ARHGAP26: variants seen among roughly 807,000 people sequenced by gnomAD.
The protein encoded by ARHGAP26 is Rho GTPase activating protein 26.
Under a neutral mutation model 104.8 loss-of-function variants are expected in ARHGAP26, and 38 were observed. The observed-to-expected ratio is 0.36, with a 90% confidence interval of 0.28 to 0.48. The LOEUF is 0.48. Ranked by LOEUF, ARHGAP26 falls within the 20% of genes least tolerant of loss-of-function variation. The probability of loss-of-function intolerance (pLI) is 0.99; values close to 1 mark genes in which losing one functional copy is unlikely to be tolerated. For missense variants in ARHGAP26, 704 were observed against 947.9 expected, an observed-to-expected ratio of 0.74 and a Z score of 3.38; for synonymous variants, 341 against 340.0, an observed-to-expected ratio of 1.00 and a Z score of -0.03.
chr5:142,866,304 G>A (rs1754272231), intron 1 of ARHGAP26, among the ~76,000 whole-genome samples: 1 of 152,130 alleles, frequency 6.6e-6, no homozygotes, highest in Non-Finnish European at 1.5e-5. Flanking sequence ...TAGTAGTTAA[G>A]AGTTTTGGAG....
chr5:143,190,461 T>C (rs980523393), intron 20 of ARHGAP26, among the ~76,000 whole-genome samples: 8 of 152,132 alleles, frequency 5.3e-5, no homozygotes, highest in Admixed American at 2.6e-4. Flanking sequence ...TAGATATACA[T>C]TGAATTTTCG....
chr5:143,143,964 C>T (rs1798868612), intron 19 of ARHGAP26, among the ~76,000 whole-genome samples: 1 of 152,182 alleles, frequency 6.6e-6, no homozygotes, highest in Non-Finnish European at 1.5e-5. Context: ...GTGATTGATA[C>T]AAAGACAGAT....
chr5:143,016,537 T>C (rs1273392936), intron 12 of ARHGAP26, among the ~76,000 whole-genome samples: 1 of 152,120 alleles, frequency 6.6e-6, no homozygotes, highest in Non-Finnish European at 1.5e-5. Context: ...ACCCTGTCTC[T>C]GCTAAAAATA....
chr5:143,076,692 G>A (rs1409380120), intron 17 of ARHGAP26, among the ~76,000 whole-genome samples: 1 of 152,098 alleles, frequency 6.6e-6, no homozygotes, highest in Non-Finnish European at 1.5e-5. Context: ...ATTATTTTGT[G>A]TGTCCAAATA....
At chr5:142,865,816 G>A (rs1754175360) in intron 1 of ARHGAP26, among the ~76,000 whole-genome samples, 1 of 152,088 alleles carries the variant, frequency 6.6e-6, no homozygotes, top group South Asian at 2.1e-4. Flanking sequence ...GTCCTTCCAT[G>A]GTTTGATTCT....
At chr5:142,855,808 T>C (rs533989505) in intron 1 of ARHGAP26, among the ~76,000 whole-genome samples, 37 of 152,344 alleles carry the variant, frequency 2.4e-4, no homozygotes, top group African/African-American at 8.7e-4. Flanking sequence ...GACTGACTTA[T>C]ATACTCTCAC....
In ARHGAP26 at chr5:143,214,007, C is replaced by T. The variant is rs748049685; in HGVS notation, c.2110C>T (p.Arg704Trp). ...CCTGTTTTCACACAGCACACCGTTC[C>T]GGAAGGCAAAAGCCTTGTATGCCTG... The part of the protein sequence containing the change: ...SDSSPVSTPF[R>W]KAKALYACKA... Residue 704 changes from arginine to tryptophan, a missense_variant, in exon 22 of 23, where the codon CGG becomes TGG. Around this residue, in one of 6 missense-constraint regions of ARHGAP26, gnomAD observed 217 missense variants for 242.6 expected, o/e 0.89. Transcript: ENST00000645722. 16 of 1,589,406 alleles carry T rather than the reference C, an allele frequency of 1.0e-5. No individual in the cohort carries two copies. Among genetic ancestry groups the T allele is most frequent in the Admixed American group, 1.7e-5 (1 of 58,902 alleles).
intron 18 of ARHGAP26, among the ~76,000 whole-genome samples, chr5:143,124,713 C>T (rs1796526213): frequency 6.6e-6 from 1 of 152,168 alleles, no homozygotes; most frequent in Non-Finnish European, 1.5e-5. Context: ...TTCTGTTGGC[C>T]AAAGCAAGTC....
chr5:142,773,032 C>T (rs557852939), intron 1 of ARHGAP26, among the ~76,000 whole-genome samples: 1 of 151,946 alleles, frequency 6.6e-6, no homozygotes, highest in African/African-American at 2.4e-5. Context: ...TCTCTACGTC[C>T]AGCTCTGCTA....
intron 1 of ARHGAP26, among the ~76,000 whole-genome samples, chr5:142,842,286 G>A (rs1263352352): frequency 1.3e-5 from 2 of 152,218 alleles, no homozygotes; most frequent in East Asian, 3.9e-4. Context: ...GTGTTCTGAA[G>A]CGGCATGTTT....
intron 4 of ARHGAP26, among the ~76,000 whole-genome samples, chr5:142,881,517 C>G (rs919552537): frequency 2.6e-5 from 4 of 152,122 alleles, no homozygotes; most frequent in African/African-American, 9.7e-5. Flanking sequence ...ATATTCTATT[C>G]TCCTATTCAT....
At chr5:142,920,754 A>G (rs1381659329) in intron 10 of ARHGAP26, among the ~76,000 whole-genome samples, 5 of 152,200 alleles carry the variant, frequency 3.3e-5, no homozygotes, top group Non-Finnish European at 7.3e-5. Context: ...ACTTATCTTC[A>G]TGGAGCTTAC....
At chr5:143,221,786 G>A (rs933626899) in intron 22 of ARHGAP26, among the ~76,000 whole-genome samples, 2 of 152,126 alleles carry the variant, frequency 1.3e-5, no homozygotes, top group Non-Finnish European at 2.9e-5. Flanking sequence ...GCCTCCCAAG[G>A]TACTGGCATT....
At chr5:143,116,513 C>T (rs918271268) in intron 17 of ARHGAP26, among the ~76,000 whole-genome samples, 2 of 152,208 alleles carry the variant, frequency 1.3e-5, no homozygotes, top group Admixed American at 1.3e-4. Context: ...TTTTAAAGTA[C>T]TGCTTAGCAC....
chr5:142,955,983 G>A (rs917728534), intron 11 of ARHGAP26, among the ~76,000 whole-genome samples: 2 of 152,122 alleles, frequency 1.3e-5, no homozygotes, highest in African/African-American at 4.8e-5. Context: ...AACAATCTCT[G>A]GAGGGCTTCT....
chr5:142,815,163 G>C (rs1045114650), intron 1 of ARHGAP26, among the ~76,000 whole-genome samples: 2 of 152,142 alleles, frequency 1.3e-5, no homozygotes, highest in Non-Finnish European at 2.9e-5. Flanking sequence ...GCTACACCTG[G>C]CTAATTTTTG....
At chr5:143,198,489 G>A (rs1400111126) in intron 20 of ARHGAP26, among the ~76,000 whole-genome samples, 1 of 152,174 alleles carries the variant, frequency 6.6e-6, no homozygotes, top group Non-Finnish European at 1.5e-5. Flanking sequence ...AGTATTGTGA[G>A]CCACGGTGCA....
chr5:143,026,181 C>T (rs536004819), intron 12 of ARHGAP26, among the ~76,000 whole-genome samples: 43 of 152,274 alleles, frequency 2.8e-4, no homozygotes, highest in African/African-American at 8.2e-4. Context: ...TTTGGCCTGT[C>T]GGCTCCTTGT....
At chr5:143,148,981 G>C (rs1441852531) in intron 20 of ARHGAP26, among the ~76,000 whole-genome samples, 1 of 152,164 alleles carries the variant, frequency 6.6e-6, no homozygotes, top group Non-Finnish European at 1.5e-5. Context: ...CTGAGTCACT[G>C]CTGAGTACAG....
Sources: allele counts gnomAD v4.1 joint callset (sites outside exome capture counted in the v4.1 genomes callset), GRCh38; gene constraint gnomAD v4.1.1; regional missense constraint gnomAD v4.1.1; transcripts MANE v1.5; gene names NCBI Gene and HGNC (gene_info 2026-07-23, HGNC 2026-07-21).